Variants in COL4A5 observed in about 807,000 individuals in gnomAD.
The protein encoded by COL4A5 is collagen type IV alpha 5 chain.
COL4A5 carries 26 observed loss-of-function variants against 130.2 expected under a neutral mutation model. That is an observed-to-expected ratio of 0.20 (90% CI 0.15 to 0.28). COL4A5 has a LOEUF of 0.28. COL4A5 is among the 10% of genes least tolerant of loss of function. The pLI, the probability that COL4A5 is intolerant of heterozygous loss-of-function variation, is 1.00. For synonymous variants in COL4A5, 496 were observed against 439.6 expected (o/e 1.13, Z -1.60); for missense variants, 1,131 against 1,344.3 (o/e 0.84, Z 2.48).
At chrX:108,654,300 A>C (rs191361548) in intron 36 of COL4A5, among the ~76,000 whole-genome samples, 1 of 111,869 alleles carries the variant, frequency 8.9e-6, no homozygotes, top group East Asian at 2.8e-4. Context: ...TATGTGAATT[A>C]TCTCTTACCC....
At chrX:108,578,204 T>C (rs1003475358) in intron 12 of COL4A5, 85 bp downstream of exon 12, 10 of 1,124,648 alleles carry the variant, frequency 8.9e-6, no homozygotes, top group Admixed American at 6.6e-5. Context: ...TTCTCTTGCT[T>C]CTTGAAGTTA....
At chrX:108,651,871 A>G (rs2067737209) in intron 36 of COL4A5, among the ~76,000 whole-genome samples, 1 of 111,961 alleles carries the variant, frequency 8.9e-6, no homozygotes, top group Non-Finnish European at 1.9e-5. Context: ...ACATTTCACT[A>G]CTGGGAAGAG....
At chrX:108,525,600 A>G (rs1241136355) in intron 1 of COL4A5, among the ~76,000 whole-genome samples, 1 of 110,330 alleles carries the variant, frequency 9.1e-6, no homozygotes, top group East Asian at 2.8e-4. Context: ...TTTTTTTATT[A>G]AGTGAATATT....
At chrX:108,443,974 CTT>C (rs1428837183) in intron 1 of COL4A5, among the ~76,000 whole-genome samples, 1 of 111,800 alleles carries the variant, frequency 8.9e-6, no homozygotes, top group Non-Finnish European at 1.9e-5. Context: ...TAATAAAAAA[CTT>C]TCTCTTTACG....
chrX:108,460,956 T>C (rs999297835), intron 1 of COL4A5, among the ~76,000 whole-genome samples: 1 of 111,074 alleles, frequency 9.0e-6, no homozygotes, highest in African/African-American at 3.3e-5. Context: ...TATTTAGACA[T>C]ATCATTTTTC....
At chrX:108,524,475 A>G (rs2065294637) in intron 1 of COL4A5, among the ~76,000 whole-genome samples, 1 of 108,460 alleles carries the variant, frequency 9.2e-6, no homozygotes, top group Non-Finnish European at 1.9e-5. Context: ...GATTTTCCCT[A>G]TTCATTTTTT....
intron 2 of COL4A5, among the ~76,000 whole-genome samples, chrX:108,546,033 G>A (rs1174664005): frequency 8.9e-6 from 1 of 111,795 alleles, no homozygotes; most frequent in Non-Finnish European, 1.9e-5. Flanking sequence ...CCTGAATACA[G>A]CACCCTGGTG....
chrX:108,691,722 AT>A (rs2068642345), intron 49 of COL4A5, among the ~76,000 whole-genome samples: 1 of 112,084 alleles, frequency 8.9e-6, no homozygotes, highest in Admixed American at 9.5e-5. Context: ...TGGAAATATA[AT>A]TTTTAAATGT....
Position 108,578,303 on chromosome X carries a change from C to G in COL4A5, c.700C>G (p.Leu234Val), listed in dbSNP as rs751935626. 8.3e-7 allele frequency: 1 copy of G among 1,209,808 alleles called. No individual in the cohort carries two copies. The highest frequency in any genetic ancestry group is 1.1e-6 in the Non-Finnish European group (1 of 893,693). ...GPKGEKGEQGLQGPPGPPGQI... is the reference protein window; with the variant it reads ...GPKGEKGEQGVQGPPGPPGQI... Reference sequence around the variant, plus strand: ...ATCTTGCAAACAGGGTGAGCAAGGTCTTCAGGGCCCACCTGGGCCACCTGG... The same window carrying G: ...ATCTTGCAAACAGGGTGAGCAAGGTGTTCAGGGCCCACCTGGGCCACCTGG... The change falls in exon 13 of 53, where the codon CTT becomes GTT. Residue 234 changes from leucine (L) to valine (V), a missense_variant. Leu to Val is a conservative substitution (Grantham distance 32, BLOSUM62 1). Coordinates refer to ENST00000328300, the MANE Select transcript of COL4A5 (RefSeq NM_033380.3).
chrX:108,619,342 G>C (rs192374121), intron 30 of COL4A5, among the ~76,000 whole-genome samples: 106 of 111,593 alleles, frequency 9.5e-4, no homozygotes, highest in African/African-American at 3.1e-3. Context: ...TGATCATCTG[G>C]CTCAACCCCT....
chrX:108,473,234 A>G lies in COL4A5; in HGVS notation c.81+33028A>G, dbSNP rs145257534. Among the ~76,000 whole-genome samples the G allele has an allele frequency of 8.8e-3, 976 of 111,404 alleles. 7 individuals are homozygous for G. The highest frequency in any genetic ancestry group is 0.015 in the Non-Finnish European group (770 of 53,015). ...TACTGGTTTATGTGTTTACCATACT[A>G]CACTCTTACCATTATTTTGTTATCA... On this transcript the variant is annotated intron_variant, in intron 1 of 52. Coordinates refer to ENST00000328300, the MANE Select transcript of COL4A5 (RefSeq NM_033380.3).
At chrX:108,460,398 C>T (rs906175121) in intron 1 of COL4A5, among the ~76,000 whole-genome samples, 1 of 110,988 alleles carries the variant, frequency 9.0e-6, no homozygotes, top group African/African-American at 3.3e-5. Flanking sequence ...ACTCCCTCCA[C>T]CCCCTAAAGA....
chrX:108,688,090 A>G (rs1322575662), intron 49 of COL4A5, among the ~76,000 whole-genome samples: 1 of 112,041 alleles, frequency 8.9e-6, no homozygotes, highest in Non-Finnish European at 1.9e-5. Context: ...CATCAAGTTC[A>G]TAAGTTCTGA....
At chrX:108,475,482 A>C (rs750059993) in intron 1 of COL4A5, among the ~76,000 whole-genome samples, 1 of 111,717 alleles carries the variant, frequency 9.0e-6, no homozygotes, top group African/African-American at 3.3e-5. Flanking sequence ...AGAAGCAGTG[A>C]GAGCAAAGCA....
chrX:108,597,141 C>A, intron 23 of COL4A5, 73 bp downstream of exon 23: 1 of 886,534 alleles, frequency 1.1e-6, no homozygotes, highest in South Asian at 2.1e-5. Context: ...TTCAATTATT[C>A]ATATATATAC....
chrX:108,456,784 A>G (rs1439688510), intron 1 of COL4A5, among the ~76,000 whole-genome samples: 1 of 112,129 alleles, frequency 8.9e-6, no homozygotes, highest in Non-Finnish European at 1.9e-5. Flanking sequence ...AATAATTTGT[A>G]TCTCTTTAAA....
chrX:108,573,871 T>C (rs2066104702), intron 9 of COL4A5, among the ~76,000 whole-genome samples: 2 of 111,257 alleles, frequency 1.8e-5, no homozygotes, highest in Non-Finnish European at 3.8e-5. Context: ...ATCCAGTGTT[T>C]TGGGGATTGG....
chrX:108,681,046 C>T (rs900572633), intron 46 of COL4A5, 90 bp downstream of exon 46: 16 of 830,268 alleles, frequency 1.9e-5, no homozygotes, highest in East Asian at 6.4e-5. Flanking sequence ...GCCAGACCAT[C>T]GGAGGCTAAG....
At chrX:108,618,829 T>C (rs2147857110) in intron 30 of COL4A5, among the ~76,000 whole-genome samples, 1 of 109,923 alleles carries the variant, frequency 9.1e-6, no homozygotes, top group African/African-American at 3.3e-5. Context: ...CCAGGTACTG[T>C]AGTTCTTCCT....
Sources: gnomAD v4.1 joint callset for allele counts (sites outside exome capture counted in the v4.1 genomes callset) on GRCh38, gnomAD v4.1.1 for gene constraint, MANE v1.5 for transcripts, NCBI Gene and HGNC (gene_info 2026-07-23, HGNC 2026-07-21) for gene names.